ZNF883: variants seen among roughly 807,000 people sequenced by gnomAD.
ZNF883 encodes zinc finger protein 883.
intron 1 of ZNF883, among the ~76,000 whole-genome samples, chr9:112,991,825 C>A (rs113383834): frequency 0.069 from 10,528 of 152,140 alleles, 488 homozygotes; most frequent in Admixed American, 0.15. Context: ...AATCCTTTAC[C>A]ATTATGTAAT....
upstream of ZNF883, chr9:112,998,354 G>C (rs1207055568): frequency 1.9e-6 from 2 of 1,047,210 alleles, no homozygotes; most frequent in African/African-American, 3.3e-5. Flanking sequence ...AATAAGTAAA[G>C]TTTGAGATAC....
intron 2 of ZNF883, among the ~76,000 whole-genome samples, chr9:113,003,764 A>G (rs1828449184): frequency 6.6e-6 from 1 of 152,208 alleles, no homozygotes; most frequent in Non-Finnish European, 1.5e-5. Flanking sequence ...CAATCTTAAA[A>G]GTAATTTAAC....
chr9:113,003,470 G>T (rs1273573480), intron 2 of ZNF883, among the ~76,000 whole-genome samples: 1 of 151,882 alleles, frequency 6.6e-6, no homozygotes, highest in Admixed American at 6.6e-5. Flanking sequence ...TCCTGATGAT[G>T]CAGTTTATGT....
chr9:112,995,474 C>T (rs1828342111), downstream of ZNF883, among the ~76,000 whole-genome samples: 2 of 151,778 alleles, frequency 1.3e-5, no homozygotes, highest in Admixed American at 1.3e-4. Context: ...CCTCTCTCTC[C>T]CTTCCTCCCT....
At chr9:113,005,355 G>C (rs1252448421) in intron 2 of ZNF883, among the ~76,000 whole-genome samples, 1 of 151,978 alleles carries the variant, frequency 6.6e-6, no homozygotes, top group Non-Finnish European at 1.5e-5. Flanking sequence ...ATACAAATCT[G>C]GGCAAAAGAT....
upstream of ZNF883, among the ~76,000 whole-genome samples, chr9:113,002,692 A>G (rs554053641): frequency 3.3e-5 from 5 of 152,340 alleles, no homozygotes; most frequent in Admixed American, 2.6e-4. Context: ...TTTTCTTTTA[A>G]TCATCATTTA....
At chr9:112,997,257 C>G in exon 1 of ZNF883, 3 of 1,614,118 alleles carry the variant, frequency 1.9e-6, no homozygotes, top group Non-Finnish European at 2.5e-6. Flanking sequence ...TTAGTTAGAG[C>G]TGAGCTTAAG....
chr9:112,995,928 G>A (rs1320125042), downstream of ZNF883, among the ~76,000 whole-genome samples: 3 of 151,914 alleles, frequency 2.0e-5, no homozygotes, highest in Non-Finnish European at 4.4e-5. Flanking sequence ...ATTGCCTTAT[G>A]AAATCTACCT....
chr9:113,006,897 T>C (rs2418243), intron 2 of ZNF883, among the ~76,000 whole-genome samples: 72 of 82,212 alleles, frequency 8.8e-4, no homozygotes, highest in East Asian at 4.0e-3. Context: ...TGGTAATTTT[T>C]TAAAAAAAAA....
intron 2 of ZNF883, among the ~76,000 whole-genome samples, chr9:113,010,097 CT>C (rs5900032): frequency 0.04 from 6,158 of 152,236 alleles, 411 homozygotes; most frequent in African/African-American, 0.14. Flanking sequence ...TAGGCAGAAA[CT>C]TTGTGTTATT....
chr9:113,005,828 TC>T (rs887937540), intron 2 of ZNF883, among the ~76,000 whole-genome samples: 6 of 152,156 alleles, frequency 3.9e-5, no homozygotes, highest in African/African-American at 1.4e-4. Flanking sequence ...TACTCTTCTG[TC>T]CTCAGTGCCA....
At chr9:113,010,070 A>C (rs1313602916) in intron 2 of ZNF883, among the ~76,000 whole-genome samples, 1 of 152,120 alleles carries the variant, frequency 6.6e-6, no homozygotes, top group African/African-American at 2.4e-5. Flanking sequence ...TGCCCATCCA[A>C]GACTGTCAGT....
At chr9:112,999,680 A>T (rs78623295), upstream of ZNF883, 2 of 152,182 alleles carry the variant, frequency 1.3e-5, no homozygotes, top group African/African-American at 4.8e-5. Context: ...CCAGTTTATT[A>T]TAAAGGATAC....
upstream of ZNF883, chr9:112,998,899 AT>A (rs1488973502): frequency 6.6e-6 from 1 of 152,160 alleles, no homozygotes; most frequent in Non-Finnish European, 1.5e-5. Context: ...CGAAGTTGTT[AT>A]ATTCATGATC....
intron 1 of ZNF883, among the ~76,000 whole-genome samples, chr9:112,991,450 T>A (rs976517103): frequency 2.6e-5 from 4 of 151,228 alleles, no homozygotes; most frequent in Non-Finnish European, 5.9e-5. Flanking sequence ...TCTGAGAGAG[T>A]GTGATTTATG....
intron 1 of ZNF883, among the ~76,000 whole-genome samples, chr9:112,988,793 C>G (rs945942973): frequency 3.3e-5 from 5 of 151,438 alleles, no homozygotes; most frequent in African/African-American, 1.2e-4. Flanking sequence ...CTGTTCCTAT[C>G]TCTCCACAGC....
chr9:112,995,872 A>AT (rs1296171023), downstream of ZNF883, among the ~76,000 whole-genome samples: 2 of 151,884 alleles, frequency 1.3e-5, no homozygotes, highest in Non-Finnish European at 2.9e-5. Context: ...TTACTCTTGG[A>AT]TTTTTTGTCC....
intron 1 of ZNF883, among the ~76,000 whole-genome samples, chr9:112,990,870 T>C (rs1474851583): frequency 6.6e-6 from 1 of 152,208 alleles, no homozygotes; most frequent in African/African-American, 2.4e-5. Flanking sequence ...AATGTATCCA[T>C]TTCTTCTATA....
At chr9:113,006,629 A>C (rs1366821488) in intron 2 of ZNF883, among the ~76,000 whole-genome samples, 1 of 152,104 alleles carries the variant, frequency 6.6e-6, no homozygotes, top group Non-Finnish European at 1.5e-5. Context: ...AAGAAGTAGG[A>C]TTCAAGTCAT....
Sources: allele counts gnomAD v4.1 joint callset (sites outside exome capture counted in the v4.1 genomes callset), GRCh38; gene constraint gnomAD v4.1.1; transcripts MANE v1.5; gene names NCBI Gene and HGNC (gene_info 2026-07-23, HGNC 2026-07-21).